The following TNNI3K variants were observed in gnomAD, a reference collection of about 807,000 sequenced individuals.
TNNI3K encodes the protein TNNI3 interacting kinase, also known as serine/threonine-protein kinase TNNI3K.
In TNNI3K, 140 loss-of-function variants were observed where a neutral mutation model predicts 114.5. The observed-to-expected ratio is 1.22, with a 90% CI of 1.07 to 1.41. The LOEUF (loss-of-function observed/expected upper bound fraction) is 1.41. TNNI3K is among the 40% of genes most tolerant of loss of function. TNNI3K has a pLI of 0.00. For missense variants in TNNI3K, 1,125 were observed against 1,007.6 expected (o/e 1.12, Z -1.58); for synonymous variants, 347 against 347.5 (o/e 1.00, Z 0.02).
chr1:74,540,263 C>G lies in TNNI3K; in HGVS notation c.2381C>G (p.Ser794Cys), dbSNP rs763953053. The G allele has an allele frequency of 6.2e-7, 1 of 1,612,472 alleles. No individual in the cohort carries two copies. The highest frequency in any genetic ancestry group is 1.3e-5 in the African/African-American group (1 of 74,938). ...GGACAATATTCCTCTCAAGGTCTGTCTTTGGAGGAGATGAAAAGAAGTCTT... is the reference window on the plus strand; with the variant it reads ...GGACAATATTCCTCTCAAGGTCTGTGTTTGGAGGAGATGAAAAGAAGTCTT... ...SAGQYSSQGL[S>C]LEEMKRSLQY... is the part of the protein sequence containing the mutation. Residue 794 changes from serine to cysteine, a missense_variant, in exon 24 of 25, where the codon TCT becomes TGT. Ser to Cys is a moderately radical substitution (Grantham distance 112). Transcript: ENST00000326637.
At chr1:74,517,974 A>G (rs527489894) in intron 23 of TNNI3K, among the ~76,000 whole-genome samples, 4 of 152,304 alleles carry the variant, frequency 2.6e-5, no homozygotes, top group African/African-American at 4.8e-5. Flanking sequence ...TAAAGTAACA[A>G]TCTTTGACTG....
intron 23 of TNNI3K, among the ~76,000 whole-genome samples, chr1:74,517,348 C>T (rs1293113988): frequency 6.6e-6 from 1 of 152,170 alleles, no homozygotes; most frequent in Non-Finnish European, 1.5e-5. Context: ...CTTCTTCTTC[C>T]CTAAGGAACT....
At chr1:74,485,285 T>G (rs752198101) in intron 21 of TNNI3K, among the ~76,000 whole-genome samples, 2 of 152,192 alleles carry the variant, frequency 1.3e-5, no homozygotes, top group Non-Finnish European at 2.9e-5. Context: ...CATTAGGTAA[T>G]TCCAGTCTGA....
intron 21 of TNNI3K, chr1:74,470,949 T>A: frequency 2.5e-6 from 1 of 400,726 alleles, no homozygotes; most frequent in Non-Finnish European, 4.4e-6. Context: ...TCCTGGAATG[T>A]TGGAATGGTA....
At chr1:74,484,667 A>G (rs550512681) in intron 21 of TNNI3K, among the ~76,000 whole-genome samples, 4 of 152,268 alleles carry the variant, frequency 2.6e-5, no homozygotes, top group Non-Finnish European at 5.9e-5. Context: ...TCTCAAGGGC[A>G]TGAGGAGGTT....
intron 17 of TNNI3K, among the ~76,000 whole-genome samples, chr1:74,386,458 A>G (rs1049742463): frequency 3.2e-4 from 48 of 152,322 alleles, no homozygotes; most frequent in African/African-American, 1.1e-3. Context: ...AATATCATTT[A>G]TGAGAAAATG....
intron 4 of TNNI3K, among the ~76,000 whole-genome samples, chr1:74,261,261 T>A (rs1163157780): frequency 2.0e-5 from 3 of 151,474 alleles, no homozygotes. Context: ...ACATCCCCAA[T>A]AACTAAAAGC....
chr1:74,496,450 A>G (rs1669330224), intron 23 of TNNI3K, among the ~76,000 whole-genome samples: 1 of 152,184 alleles, frequency 6.6e-6, no homozygotes. Context: ...GGTTTTTCCT[A>G]TAGTCCCTAC....
chr1:74,534,054 C>A (rs1319019259), intron 23 of TNNI3K, among the ~76,000 whole-genome samples: 1 of 152,136 alleles, frequency 6.6e-6, no homozygotes, highest in Non-Finnish European at 1.5e-5. Context: ...TTCCCAGACA[C>A]CCCACAGGGG....
intron 20 of TNNI3K, among the ~76,000 whole-genome samples, chr1:74,442,753 C>T (rs1666432422): frequency 6.6e-6 from 1 of 151,786 alleles, no homozygotes; most frequent in African/African-American, 2.4e-5. Flanking sequence ...TATCAATGTC[C>T]TAATTGGAAG....
chr1:74,249,331 T>C, intron 2 of TNNI3K, 128 bp from the exon 3 acceptor site: 1 of 946,844 alleles, frequency 1.1e-6, no homozygotes, highest in Non-Finnish European at 1.5e-6. Context: ...TTTCTGTAAG[T>C]GCAAAATAAT....
intron 11 of TNNI3K, among the ~76,000 whole-genome samples, chr1:74,360,898 G>T (rs1233831592): frequency 6.6e-6 from 1 of 152,008 alleles, no homozygotes; most frequent in Non-Finnish European, 1.5e-5. Context: ...GCAAGCATTT[G>T]GGCCTTTAAT....
intron 23 of TNNI3K, among the ~76,000 whole-genome samples, chr1:74,508,631 T>G (rs1570718901): frequency 1.3e-5 from 2 of 152,216 alleles, no homozygotes; most frequent in East Asian, 3.9e-4. Flanking sequence ...AGCGGTAGCA[T>G]GGGAGACTGC....
At chr1:74,374,159 A>G (rs1433047590) in intron 17 of TNNI3K, 1 of 151,908 alleles carries the variant, frequency 6.6e-6, no homozygotes, top group African/African-American at 2.4e-5. Context: ...ATCTTTAAAA[A>G]AATTTTTTGA....
chr1:74,376,335 C>T (rs1203282174), intron 17 of TNNI3K, among the ~76,000 whole-genome samples: 1 of 151,936 alleles, frequency 6.6e-6, no homozygotes, highest in East Asian at 1.9e-4. Flanking sequence ...TTGTGTTCCT[C>T]AAATTCCATG....
intron 21 of TNNI3K, chr1:74,470,365 A>G (rs532843056): frequency 7.0e-5 from 28 of 400,628 alleles, no homozygotes; most frequent in Middle Eastern, 3.1e-4. Context: ...TTCATCAAGC[A>G]TATTTTTCTC....
intron 17 of TNNI3K, among the ~76,000 whole-genome samples, chr1:74,410,639 G>C (rs962656015): frequency 6.6e-6 from 1 of 152,184 alleles, no homozygotes; most frequent in African/African-American, 2.4e-5. Context: ...AACCATGAAA[G>C]ACTAGATAGA....
At chr1:74,355,375 G>A (rs1661598229) in intron 11 of TNNI3K, among the ~76,000 whole-genome samples, 1 of 152,164 alleles carries the variant, frequency 6.6e-6, no homozygotes, top group South Asian at 2.1e-4. Context: ...GGAGGCCATG[G>A]TGGGCAGATC....
chr1:74,485,122 T>G (rs961416576), intron 21 of TNNI3K, among the ~76,000 whole-genome samples: 2 of 152,198 alleles, frequency 1.3e-5, no homozygotes, highest in African/African-American at 2.4e-5. Flanking sequence ...GTGATAGACA[T>G]GTAAATACCT....
Sources: gnomAD v4.1 joint callset for allele counts (sites outside exome capture counted in the v4.1 genomes callset) on GRCh38, gnomAD v4.1.1 for gene constraint, MANE v1.5 for transcripts, NCBI Gene and HGNC (gene_info 2026-07-23, HGNC 2026-07-21) for gene names.